Variants in PCDH7 observed in about 807,000 individuals in gnomAD.
PCDH7 encodes the protein protocadherin-7.
Under a neutral mutation model 58.9 loss-of-function variants are expected in PCDH7, and 17 were observed. The observed-to-expected ratio is 0.29, with a 90% CI of 0.20 to 0.43. The LOEUF (loss-of-function observed/expected upper bound fraction) is 0.43. PCDH7 is among the 20% of genes least tolerant of loss of function. PCDH7 has a pLI of 1.00. For missense variants in PCDH7, 1,274 were observed against 1,441.0 expected (o/e 0.88, Z 1.88); for synonymous variants, 664 against 616.4 (o/e 1.08, Z -1.14).
chr4:30,871,202 G>A (rs1285023031), intron 1 of PCDH7, among the ~76,000 whole-genome samples: 1 of 152,068 alleles, frequency 6.6e-6, no homozygotes, highest in Non-Finnish European at 1.5e-5. Flanking sequence ...TAATGTAATT[G>A]TAGCTGACAT....
At chr4:31,143,120 A>C (rs1578912544), downstream of PCDH7, 1 of 169,756 alleles carries the variant, frequency 5.9e-6, no homozygotes, top group East Asian at 1.6e-4. Flanking sequence ...TCCAAAAAAA[A>C]AAAAACAAAA....
chr4:30,871,224 A>G (rs935147519), intron 1 of PCDH7, among the ~76,000 whole-genome samples: 3 of 152,128 alleles, frequency 2.0e-5, no homozygotes. Flanking sequence ...ATATAAAATC[A>G]TTCCAAGGAC....
At chr4:31,047,264 G>T (rs1379696636) in intron 3 of PCDH7, among the ~76,000 whole-genome samples, 1 of 151,968 alleles carries the variant, frequency 6.6e-6, no homozygotes, top group Non-Finnish European at 1.5e-5. Flanking sequence ...GCTGTTGTGG[G>T]CAAATGTTCA....
At chr4:30,778,549 A>G (rs1722365592) in intron 1 of PCDH7, among the ~76,000 whole-genome samples, 1 of 152,166 alleles carries the variant, frequency 6.6e-6, no homozygotes, top group Non-Finnish European at 1.5e-5. Flanking sequence ...CAAAAATAAA[A>G]GGAGATTCTC....
rs1751891835 is a variant in PCDH7 at position 30,996,274 on chromosome 4, T to C, written c.*7+46059T>C. The stretch of plus-strand genomic sequence containing the variant: ...CACATGCTGAATGAACAAATGAAGT[T>C]ATCCATTTTAATATGGTCATTCTAA... On this transcript the variant is annotated intron_variant, in intron 3 of 3. Coordinates refer to the PCDH7 transcript ENST00000509759. 2.0e-5 allele frequency among the ~76,000 whole-genome samples: 3 copies of C among 152,206 alleles called. No individual in the cohort carries two copies. In the South Asian group the frequency reaches 6.2e-4, roughly 32 times the overall value.
intron 3 of PCDH7, among the ~76,000 whole-genome samples, chr4:31,085,868 T>C (rs1712359251): frequency 2.0e-5 from 3 of 150,796 alleles, no homozygotes; most frequent in South Asian, 2.1e-4. Context: ...TTTTTTTTTT[T>C]CATCTCTTCC....
chr4:31,135,423 G>A (rs1328337777), intron 3 of PCDH7, among the ~76,000 whole-genome samples: 1 of 152,156 alleles, frequency 6.6e-6, no homozygotes, highest in Non-Finnish European at 1.5e-5. Flanking sequence ...AAAGTAGTAG[G>A]AGGATGCCTA....
intron 1 of PCDH7, among the ~76,000 whole-genome samples, chr4:30,753,063 T>C (rs1290925918): frequency 6.6e-6 from 1 of 152,142 alleles, no homozygotes; most frequent in Admixed American, 6.5e-5. Context: ...GATTAAAATA[T>C]ATTAATGAAA....
At chr4:30,912,492 A>G (rs1741911317) in intron 1 of PCDH7, among the ~76,000 whole-genome samples, 1 of 152,202 alleles carries the variant, frequency 6.6e-6, no homozygotes. Flanking sequence ...TTTGATGGAC[A>G]TAACTAAGTG....
At chr4:30,983,789 C>A (rs1264670376) in intron 3 of PCDH7, among the ~76,000 whole-genome samples, 2 of 152,080 alleles carry the variant, frequency 1.3e-5, no homozygotes, top group Non-Finnish European at 2.9e-5. Flanking sequence ...AGAATAAGAT[C>A]CTGAAACTAA....
intron 3 of PCDH7, among the ~76,000 whole-genome samples, chr4:30,954,130 A>G (rs944125822): frequency 9.2e-5 from 14 of 152,160 alleles, no homozygotes; most frequent in Non-Finnish European, 2.1e-4. Context: ...AAGCCTATTT[A>G]TGGATAGATT....
chr4:30,814,819 A>T (rs994189316), intron 1 of PCDH7, among the ~76,000 whole-genome samples: 1 of 152,172 alleles, frequency 6.6e-6, no homozygotes, highest in African/African-American at 2.4e-5. Flanking sequence ...TTCTAAGGTA[A>T]GAATGTAAGA....
intron 1 of PCDH7, among the ~76,000 whole-genome samples, chr4:30,797,350 G>T (rs1175948693): frequency 1.3e-5 from 2 of 151,574 alleles, no homozygotes; most frequent in Admixed American, 1.3e-4. Context: ...TCAGCTCACT[G>T]CAAGTTCCGC....
At chr4:30,817,602 T>A (rs576765147) in intron 1 of PCDH7, among the ~76,000 whole-genome samples, 1 of 152,250 alleles carries the variant, frequency 6.6e-6, no homozygotes, top group African/African-American at 2.4e-5. Context: ...TTTTTAATAC[T>A]CATCCTTCTG....
At chr4:30,809,906 T>G (rs1726759339) in intron 1 of PCDH7, among the ~76,000 whole-genome samples, 1 of 152,336 alleles carries the variant, frequency 6.6e-6, no homozygotes, top group Admixed American at 6.5e-5. Flanking sequence ...CATGTCACTC[T>G]TACTTGCTTT....
intron 1 of PCDH7, among the ~76,000 whole-genome samples, chr4:30,792,655 A>G (rs7700046): frequency 0.39 from 58,993 of 151,966 alleles, 12,164 homozygotes; most frequent in African/African-American, 0.53. Flanking sequence ...GATCAGGTAC[A>G]GCTCAGTCTG....
At chr4:30,813,660 A>G (rs1323225490) in intron 1 of PCDH7, among the ~76,000 whole-genome samples, 2 of 152,074 alleles carry the variant, frequency 1.3e-5, no homozygotes, top group East Asian at 3.9e-4. Context: ...TTATCTTTTG[A>G]GATGGAGTTT....
At chr4:30,763,040 C>G (rs1197221359) in intron 1 of PCDH7, among the ~76,000 whole-genome samples, 1 of 152,042 alleles carries the variant, frequency 6.6e-6, no homozygotes, top group Non-Finnish European at 1.5e-5. Context: ...GCCAGGAGTT[C>G]AAGACCAGCC....
chr4:31,119,683 T>C (rs1395102214), intron 3 of PCDH7, among the ~76,000 whole-genome samples: 1 of 152,120 alleles, frequency 6.6e-6, no homozygotes, highest in Non-Finnish European at 1.5e-5. Flanking sequence ...GGGTCTTGTG[T>C]CCTTTACCCC....
Sources: allele counts gnomAD v4.1 joint callset (sites outside exome capture counted in the v4.1 genomes callset), GRCh38; gene constraint gnomAD v4.1.1; transcripts MANE v1.5; gene names NCBI Gene and HGNC (gene_info 2026-07-23, HGNC 2026-07-21).